ADGRV1: variants seen among roughly 807,000 people sequenced by gnomAD.
ADGRV1 encodes G-protein coupled receptor 98.
Under a neutral mutation model 596.2 loss-of-function variants are expected in ADGRV1, and 359 were observed. That is an observed-to-expected ratio of 0.60 (90% CI 0.55 to 0.66). The LOEUF is 0.66. ADGRV1 is among the 30% of genes least tolerant of loss of function. The probability of loss-of-function intolerance (pLI) is 0.00; values close to 1 mark genes in which losing one functional copy is unlikely to be tolerated. For missense variants in ADGRV1, 7,274 were observed against 7,575.6 expected, an observed-to-expected ratio of 0.96 and a Z score of 1.48; for synonymous variants, 2,681 against 2,679.2, an observed-to-expected ratio of 1.00 and a Z score of -0.02.
chr5:90,675,542 C>A, intron 24 of ADGRV1, 97 bp downstream of exon 24: 1 of 1,188,602 alleles, frequency 8.4e-7, no homozygotes, highest in Admixed American at 2.0e-5. Context: ...AACATAGTGA[C>A]TCACGCCTGT....
chr5:90,874,431 C>T (rs1293652196), intron 83 of ADGRV1, among the ~76,000 whole-genome samples: 3 of 152,078 alleles, frequency 2.0e-5, no homozygotes, highest in South Asian at 2.1e-4. Context: ...TTTTCTTGTT[C>T]ATGTATTGTA....
intron 6 of ADGRV1, chr5:90,626,696 G>T (rs1277123725): frequency 6.6e-6 from 1 of 152,202 alleles, no homozygotes; most frequent in Non-Finnish European, 1.5e-5. Flanking sequence ...CTCCAGAGAG[G>T]CATGATGTGT....
chr5:90,982,400 A>T (rs12188094), intron 84 of ADGRV1, among the ~76,000 whole-genome samples: 39,014 of 151,902 alleles, frequency 0.26, 5,383 homozygotes, highest in Non-Finnish European at 0.31. Context: ...TTTGGTTTTT[A>T]AAAAAAATGG....
At position 90,684,163 on chromosome 5, in the gene ADGRV1, CTACTT is replaced by C. The variant is rs749769237; in HGVS notation, c.6245_6249del (p.Thr2082SerfsTer18). ...TCTGTCTTTATCGAACTACTCAACT[CTACTT>C]TAGTAGCGAAAGTACAGAGTCGTTC... On this transcript the variant is annotated frameshift_variant, in exon 28 of 90. Coordinates refer to ENST00000405460, the MANE Select transcript of ADGRV1 (RefSeq NM_032119.4). LOFTEE classifies it high-confidence loss of function. The C allele has an allele frequency of 3.1e-6, 5 of 1,613,076 alleles. No homozygotes were observed. Among genetic ancestry groups the C allele is most frequent in the Non-Finnish European group, 4.2e-6 (5 of 1,179,510 alleles).
intron 6 of ADGRV1, chr5:90,625,531 C>G (rs759784238): frequency 4.3e-6 from 1 of 234,130 alleles, no homozygotes; most frequent in Non-Finnish European, 8.2e-6. Context: ...AAGAACAATA[C>G]TAACCTAGAA....
At chr5:90,850,438 C>T (rs571486800) in intron 79 of ADGRV1, among the ~76,000 whole-genome samples, 2 of 152,244 alleles carry the variant, frequency 1.3e-5, no homozygotes, top group South Asian at 4.1e-4. Flanking sequence ...CTCCTTAGTG[C>T]CTCTTATAAA....
At chr5:90,939,905 T>C (rs1163512970) in intron 83 of ADGRV1, among the ~76,000 whole-genome samples, 2 of 152,190 alleles carry the variant, frequency 1.3e-5, no homozygotes, top group African/African-American at 4.8e-5. Context: ...AGATTAGACA[T>C]ATATATGTTG....
At chr5:90,835,582 G>T (rs1294088443) in intron 77 of ADGRV1, among the ~76,000 whole-genome samples, 2 of 152,068 alleles carry the variant, frequency 1.3e-5, no homozygotes, top group Non-Finnish European at 2.9e-5. Flanking sequence ...TAAAAATAAA[G>T]GCAAGAAAAA....
At chr5:90,701,721 T>G (rs6452905) in intron 34 of ADGRV1, among the ~76,000 whole-genome samples, 111,630 of 151,730 alleles carry the variant, frequency 0.74, 42,077 homozygotes, top group African/African-American at 0.9. Context: ...ATTAGACTTT[T>G]AGTGTTTTTA....
intron 83 of ADGRV1, among the ~76,000 whole-genome samples, chr5:90,945,094 G>A (rs1776459167): frequency 6.6e-6 from 1 of 152,048 alleles, no homozygotes; most frequent in South Asian, 2.1e-4. Context: ...ACACAATCAT[G>A]GTTATAGTGT....
chr5:90,733,600 AC>A (rs1296814027), intron 50 of ADGRV1, among the ~76,000 whole-genome samples: 1 of 152,116 alleles, frequency 6.6e-6, no homozygotes, highest in African/African-American at 2.4e-5. Flanking sequence ...ACCTTCAGTC[AC>A]CTCAACTACT....
chr5:90,588,586 AG>A (rs1326204637), intron 1 of ADGRV1, among the ~76,000 whole-genome samples: 11 of 152,242 alleles, frequency 7.2e-5, no homozygotes, highest in African/African-American at 2.7e-4. Context: ...AAAGAAGGCA[AG>A]GGTTCAGCAA....
chr5:90,970,208 G>C lies in ADGRV1; in HGVS notation c.17973+4677G>C, dbSNP rs375584114. On this transcript the variant is annotated intron_variant, in intron 84 of 89. Transcript: ENST00000405460. ...GCCCACCATGGCTGAGGTTTGAGTA[G>C]GTAAACAAAGCAGCAGGGAAGCTCG... Among the ~76,000 whole-genome samples the C allele has an allele frequency of 9.2e-5, 14 of 152,310 alleles. No homozygotes were observed. The South Asian group carries it at 2.1e-3, about 23-fold the overall frequency.
intron 83 of ADGRV1, among the ~76,000 whole-genome samples, chr5:90,897,058 A>G (rs1581447965): frequency 6.6e-6 from 1 of 152,236 alleles, no homozygotes; most frequent in African/African-American, 2.4e-5. Context: ...TTGCTTCTGA[A>G]ATAGCTATTT....
rs1266311150 is a variant in ADGRV1 at position 90,725,174 on chromosome 5, A to C, written c.9995A>C (p.Glu3332Ala). 6.4e-7 allele frequency: 1 copy of C among 1,552,094 alleles called. No homozygotes were observed. The highest frequency in any genetic ancestry group is 8.7e-7 in the Non-Finnish European group (1 of 1,144,406). The change falls in exon 47 of 90, where the codon GAA (glutamate) becomes GCA (alanine). Residue 3332 changes from glutamate (E) to alanine (A), a missense_variant. Physicochemically the swap from Glu to Ala is moderately radical, Grantham distance 107. This residue lies in a region of ADGRV1 where 3,643 missense variants were observed against 3,809.2 expected (regional missense o/e 0.96). Coordinates refer to ENST00000405460, the MANE Select transcript of ADGRV1 (RefSeq NM_032119.4). The part of the protein sequence containing the change: ...YFVITHEERN[E>A]EKPSLNSVFT... ...GTGATTACTCATGAAGAAAGAAATG[A>C]AGAAAAGCCTTCTCTTAACAGTGTG...
At chr5:90,576,755 T>G (rs1757276948) in intron 1 of ADGRV1, among the ~76,000 whole-genome samples, 1 of 152,226 alleles carries the variant, frequency 6.6e-6, no homozygotes, top group African/African-American at 2.4e-5. Flanking sequence ...GCGTTCCTAT[T>G]TCTTCACATC....
chr5:90,691,795 T>G (rs1746516814), intron 31 of ADGRV1, among the ~76,000 whole-genome samples: 1 of 152,152 alleles, frequency 6.6e-6, no homozygotes, highest in African/African-American at 2.4e-5. Context: ...TTCATTCACT[T>G]ATTCTTCAAC....
chr5:90,626,164 A>C (rs1156738332), intron 6 of ADGRV1: 5 of 152,188 alleles, frequency 3.3e-5, no homozygotes, highest in Non-Finnish European at 4.4e-5. Context: ...CCTCCTACAA[A>C]AATTCTGAAA....
intron 66 of ADGRV1, 130 bp from the exon 67 acceptor site, chr5:90,783,705 ACTT>A: frequency 1.5e-6 from 1 of 645,184 alleles, no homozygotes; most frequent in Non-Finnish European, 2.6e-6. Context: ...CTAAGCACCC[ACTT>A]CTTACCACTT....
Sources: allele counts gnomAD v4.1 joint callset (sites outside exome capture counted in the v4.1 genomes callset), GRCh38; gene constraint gnomAD v4.1.1; regional missense constraint gnomAD v4.1.1; transcripts MANE v1.5; gene names NCBI Gene and HGNC (gene_info 2026-07-23, HGNC 2026-07-21).